The following BTBD9 variants were observed in gnomAD, a reference collection of about 807,000 sequenced individuals.
BTBD9 encodes BTB domain containing 9.
A neutral mutation model predicts 64.3 loss-of-function variants in BTBD9; 49 were observed. That is an observed-to-expected ratio of 0.76 (90% confidence interval 0.61 to 0.97). The LOEUF (loss-of-function observed/expected upper bound fraction) is 0.97. Ranked by LOEUF, BTBD9 falls within the 50% of genes least tolerant of loss-of-function variation. BTBD9 has a pLI of 0.00. For missense variants in BTBD9, 598 were observed against 762.1 expected (o/e 0.78, Z 2.53); for synonymous variants, 260 against 274.7 (o/e 0.95, Z 0.53).
At chr6:38,201,485 C>T (rs1388774692) in intron 9 of BTBD9, among the ~76,000 whole-genome samples, 5 of 152,132 alleles carry the variant, frequency 3.3e-5, no homozygotes, top group Non-Finnish European at 5.9e-5. Context: ...TAGCTAACAT[C>T]GTACTGAATG....
chr6:38,394,355 A>G (rs1290869989), intron 6 of BTBD9, among the ~76,000 whole-genome samples: 1 of 152,164 alleles, frequency 6.6e-6, no homozygotes, highest in East Asian at 1.9e-4. Flanking sequence ...AGAAAGACAT[A>G]TCTGGATTGG....
intron 4 of BTBD9, among the ~76,000 whole-genome samples, chr6:38,590,505 G>T (rs1442090106): frequency 6.6e-6 from 1 of 152,162 alleles, no homozygotes; most frequent in Non-Finnish European, 1.5e-5. Flanking sequence ...AGTCAGGAGA[G>T]AATTCTGTTA....
intron 9 of BTBD9, among the ~76,000 whole-genome samples, chr6:38,222,878 C>A (rs1384394521): frequency 6.6e-6 from 1 of 152,088 alleles, no homozygotes; most frequent in Non-Finnish European, 1.5e-5. Context: ...AAGTTTCGAA[C>A]CTGAGTTTAG....
chr6:38,169,737 T>C lies in BTBD9; in HGVS notation c.*5248A>G, dbSNP rs2127464259. On this transcript the variant is annotated 3_prime_UTR_variant, in exon 11 of 11. Coordinates refer to ENST00000481247, the MANE Select transcript of BTBD9 (RefSeq NM_001099272.2). ...CTAGTGGGGACAGGTGTGTAGCTCCTGGCTGCAGGGCCTCCTCCACCCCCC... is the reference window on the plus strand; with the variant it reads ...CTAGTGGGGACAGGTGTGTAGCTCCCGGCTGCAGGGCCTCCTCCACCCCCC... 6.6e-6 allele frequency: 1 copy of C among 152,306 alleles called. No homozygotes were observed. The highest frequency in any genetic ancestry group is 1.9e-4 in the East Asian group (1 of 5,182). 9.4% of individuals were successfully genotyped at this position (152,306 alleles called of 1,614,324 possible). A position where few individuals can be genotyped will look rare whatever the true frequency, so the allele number is the denominator to read the frequency against.
intron 1 of BTBD9, among the ~76,000 whole-genome samples, chr6:38,611,126 A>C (rs1027969102): frequency 6.6e-6 from 1 of 152,160 alleles, no homozygotes; most frequent in Non-Finnish European, 1.5e-5. Flanking sequence ...ATATGTGTTT[A>C]AATACATATA....
intron 6 of BTBD9, among the ~76,000 whole-genome samples, chr6:38,487,625 A>AGAGAG (rs1771517211): frequency 1.7e-5 from 2 of 117,684 alleles, no homozygotes; most frequent in Non-Finnish European, 3.7e-5. Flanking sequence ...GAGAGAGAGA[A>AGAGAG]GGAAGGAAAG....
intron 6 of BTBD9, among the ~76,000 whole-genome samples, chr6:38,477,495 T>C (rs1000199632): frequency 6.6e-6 from 1 of 152,194 alleles, no homozygotes; most frequent in African/African-American, 2.4e-5. Flanking sequence ...TAAAAAAGCT[T>C]GTTTAGCAAA....
chr6:38,458,747 G>A (rs1380365239), intron 6 of BTBD9, among the ~76,000 whole-genome samples: 1 of 152,046 alleles, frequency 6.6e-6, no homozygotes, highest in Non-Finnish European at 1.5e-5. Flanking sequence ...AAGGTCATCT[G>A]GATTATTTGA....
chr6:38,515,365 G>C (rs1174145826), intron 6 of BTBD9, among the ~76,000 whole-genome samples: 1 of 152,106 alleles, frequency 6.6e-6, no homozygotes. Flanking sequence ...CCTGGGGCAG[G>C]GCAATGAGGC....
chr6:38,588,259 T>A, intron 4 of BTBD9: 1 of 1,139,034 alleles, frequency 8.8e-7, no homozygotes, highest in Non-Finnish European at 1.3e-6. Context: ...TTGGTCAGCC[T>A]CAACAACTGC....
intron 6 of BTBD9, among the ~76,000 whole-genome samples, chr6:38,485,945 C>T (rs1330248686): frequency 3.9e-5 from 6 of 152,128 alleles, no homozygotes; most frequent in Admixed American, 6.5e-5. Flanking sequence ...GTGTAGCCAC[C>T]TTCGTCAATG....
Position 38,543,677 on chromosome 6 carries a change from G to A in BTBD9, c.1154+33923C>T, listed in dbSNP as rs924892166. On this transcript the variant is annotated intron_variant, in intron 6 of 10. Coordinates refer to ENST00000481247, the MANE Select transcript of BTBD9 (RefSeq NM_001099272.2). ...ATCAAACAACCAAAAAACCTGCCCCGCCGGGCGCGGTGGCTCACGCCTGTA... is the reference window on the plus strand; with the variant it reads ...ATCAAACAACCAAAAAACCTGCCCCACCGGGCGCGGTGGCTCACGCCTGTA... 2.6e-5 allele frequency among the ~76,000 whole-genome samples: 4 copies of A among 152,182 alleles called. No homozygotes were observed. In the East Asian group the frequency reaches 5.8e-4, roughly 22 times the overall value.
chr6:38,508,801 G>A (rs1260869997), intron 6 of BTBD9, among the ~76,000 whole-genome samples: 1 of 152,046 alleles, frequency 6.6e-6, no homozygotes, highest in Non-Finnish European at 1.5e-5. Flanking sequence ...GTCCATACAT[G>A]TTATTCCCCC....
intron 4 of BTBD9, among the ~76,000 whole-genome samples, chr6:38,586,382 A>G (rs73733937): frequency 0.11 from 17,018 of 151,908 alleles, 1,163 homozygotes; most frequent in Non-Finnish European, 0.15. Flanking sequence ...ACCATCACAG[A>G]TAAGTTTAAA....
chr6:38,417,731 C>T (rs925268144), intron 6 of BTBD9, among the ~76,000 whole-genome samples: 34 of 149,468 alleles, frequency 2.3e-4, no homozygotes, highest in African/African-American at 7.5e-4. Context: ...CCTGATTGCG[C>T]CACTGCATTC....
intron 8 of BTBD9, among the ~76,000 whole-genome samples, chr6:38,274,708 C>G (rs1319843286): frequency 2.6e-5 from 4 of 152,148 alleles, no homozygotes; most frequent in African/African-American, 9.7e-5. Flanking sequence ...TTGAACCAGC[C>G]TTGCATCCCA....
chr6:38,377,703 T>A (rs550117040), intron 6 of BTBD9, among the ~76,000 whole-genome samples: 1 of 152,236 alleles, frequency 6.6e-6, no homozygotes, highest in Non-Finnish European at 1.5e-5. Context: ...TTGAGAAGGT[T>A]ATTTTTTAAC....
At chr6:38,636,825 C>T (rs976806492) in intron 1 of BTBD9, among the ~76,000 whole-genome samples, 2 of 152,134 alleles carry the variant, frequency 1.3e-5, no homozygotes, top group East Asian at 3.9e-4. Flanking sequence ...ATCACTTCCC[C>T]CATGCAATAA....
At chr6:38,380,390 T>C (rs1004244821) in intron 6 of BTBD9, among the ~76,000 whole-genome samples, 2 of 152,226 alleles carry the variant, frequency 1.3e-5, no homozygotes, top group Admixed American at 1.3e-4. Context: ...TATTTATGGA[T>C]AATGCTAAAC....
Sources: gnomAD v4.1 joint callset for allele counts (sites outside exome capture counted in the v4.1 genomes callset) on GRCh38, gnomAD v4.1.1 for gene constraint, MANE v1.5 for transcripts, NCBI Gene and HGNC (gene_info 2026-07-23, HGNC 2026-07-21) for gene names.